The following MSANTD2 variants were observed in gnomAD, a reference collection of about 807,000 sequenced individuals.
The protein encoded by MSANTD2 is myb/SANT-like DNA-binding domain-containing protein 2.
Under a neutral mutation model 52.6 loss-of-function variants are expected in MSANTD2, and 19 were observed. That is an observed-to-expected ratio of 0.36 (90% CI 0.25 to 0.53). The LOEUF (loss-of-function observed/expected upper bound fraction) is 0.53. Ranked by LOEUF, MSANTD2 falls within the 20% of genes least tolerant of loss-of-function variation. The pLI is 0.91. For missense variants in MSANTD2, 558 were observed against 716.3 expected (o/e 0.78, Z 2.52); for synonymous variants, 291 against 289.7 (o/e 1.00, Z -0.04).
Position 124,767,219 on chromosome 11 carries a change from C to A in MSANTD2, c.1637G>T (p.Cys546Phe). 1 of 1,611,532 alleles carries A rather than the reference C, an allele frequency of 6.2e-7. No homozygotes were observed. Among genetic ancestry groups the A allele is most frequent in the Non-Finnish European group, 8.5e-7 (1 of 1,179,356 alleles). Residue 546 changes from cysteine (C) to phenylalanine (F), a missense_variant, in exon 4 of 4, where the codon TGC becomes TTC. Physicochemically the swap from Cys to Phe is radical, Grantham distance 205. Transcript: ENST00000374979. The surrounding 1 kb of genome is among the most constrained non-coding windows in gnomAD (Gnocchi z 6.5). ...GGGGTATCCAATGGCTTTTTCCAGG[C>A]ACTCAACTAAAGAGCCTGCGGAAAG... ...DFLSAGSLVE[C>F]LEKAIGYPLK...
chr11:124,795,594 T>C (rs1945469051), intron 1 of MSANTD2, among the ~76,000 whole-genome samples: 1 of 152,266 alleles, frequency 6.6e-6, no homozygotes, highest in Non-Finnish European at 1.5e-5. Context: ...TTGTGTTGTC[T>C]TGACCAGCTT....
At position 124,774,216 on chromosome 11, in the gene MSANTD2, T is replaced by C. The variant is rs1322976620; in HGVS notation, c.766+503A>G. Among the ~76,000 whole-genome samples the C allele has an allele frequency of 6.6e-6, 1 of 152,226 alleles. No homozygotes were observed. Among genetic ancestry groups the C allele is most frequent in the Non-Finnish European group, 1.5e-5 (1 of 68,038 alleles). On this transcript the variant is annotated intron_variant, in intron 2 of 3. Transcript: ENST00000374979. The surrounding 1 kb of genome is among the most constrained non-coding windows in gnomAD (Gnocchi z 5.1). ...TAAATGGAGGCTTCCCCTCATTTTG[T>C]GTTCAGGCTCAAGTCTGAGAGAAGA...
At chr11:124,769,626 T>C (rs1944426751) in intron 3 of MSANTD2, among the ~76,000 whole-genome samples, 2 of 152,214 alleles carry the variant, frequency 1.3e-5, no homozygotes, top group South Asian at 2.1e-4. Flanking sequence ...TCTATTATGC[T>C]CAATGAAGTA....
rs1944325237 is a variant in MSANTD2, at chr11:124,767,030, A to AAAG, written c.*145_*146insCTT. The AAAG allele has an allele frequency of 6.3e-6, 5 of 798,982 alleles. No individual in the cohort carries two copies. The East Asian group carries it at 1.3e-4, about 20-fold the overall frequency. 49.5% of individuals were successfully genotyped at this position (798,982 alleles called of 1,614,324 possible). On this transcript the variant is annotated 3_prime_UTR_variant, in exon 4 of 4. Transcript: ENST00000374979. This position sits in a 1 kb window ranked among gnomAD's most constrained non-coding sequence, Gnocchi z 6.5. The stretch of plus-strand genomic sequence containing the variant: ...TTTTTTCTGGCCCAAGTCTACTATG[A>AAAG]TTCCTTAGAAGTCGTACTGGCCCAA...
At position 124,800,012 on chromosome 11, in the gene MSANTD2, C is replaced by G; in HGVS notation, c.369G>C (p.Glu123Asp). ...CTCCCTCCAGCTGCTGGTACCGCGC[C>G]TCCACCAGCCGCTCGTTGCCCCACA... ...IAVWGNERLVEARYQQLEGAG... is the reference protein window; with the variant it reads ...IAVWGNERLVDARYQQLEGAG... Residue 123 changes from glutamate (E) to aspartate (D), a missense_variant, in exon 1 of 4, where the codon GAG (glutamate) becomes GAC (aspartate). By Grantham distance (45) the Glu-to-Asp change is conservative (BLOSUM62 2). Coordinates refer to ENST00000374979, the MANE Select transcript of MSANTD2 (RefSeq NM_001308027.2). This position sits in a 1 kb window ranked among gnomAD's most constrained non-coding sequence, Gnocchi z 4.3. The G allele has an allele frequency of 6.3e-7, 1 of 1,582,662 alleles. No individual in the cohort carries two copies. Among genetic ancestry groups the G allele is most frequent in the Non-Finnish European group, 8.5e-7 (1 of 1,174,020 alleles).
chr11:124,791,168 C>A (rs201408974), intron 1 of MSANTD2: 2 of 934,690 alleles, frequency 2.1e-6, no homozygotes, highest in Middle Eastern at 3.0e-4. Flanking sequence ...TGAATGGGAG[C>A]TGGTTTCAGG....
intron 1 of MSANTD2, among the ~76,000 whole-genome samples, chr11:124,797,420 C>T (rs1945528910): frequency 6.6e-6 from 1 of 152,136 alleles, no homozygotes; most frequent in Non-Finnish European, 1.5e-5. Context: ...TCACTTAGGT[C>T]CAGGAGTTCA....
At chr11:124,781,692 G>A (rs1363629800) in intron 1 of MSANTD2, among the ~76,000 whole-genome samples, 4 of 142,594 alleles carry the variant, frequency 2.8e-5, no homozygotes, top group African/African-American at 8.0e-5. Context: ...TCGCTCTGTC[G>A]CCTAGGCTGG....
At chr11:124,769,042 C>T (rs926085648) in intron 3 of MSANTD2, among the ~76,000 whole-genome samples, 1 of 152,196 alleles carries the variant, frequency 6.6e-6, no homozygotes, top group African/African-American at 2.4e-5. Context: ...CACTCAACTA[C>T]CACACTTACA....
Position 124,799,994 on chromosome 11 carries a change from C to T in MSANTD2, c.387G>A (p.Leu129=). The change falls in exon 1 of 4, where the codon CTG becomes CTA. Residue 129 remains leucine, a synonymous_variant. Transcript: ENST00000374979. ...ERLVEARYQQ[L]EGAGTVFGSK... ...TGCCGAACACCGTGCCGGCTCCCTC[C>T]AGCTGCTGGTACCGCGCCTCCACCA... is the stretch of plus-strand genomic sequence containing the variant. 1 of 1,584,544 alleles carries T rather than the reference C, an allele frequency of 6.3e-7. No homozygotes were observed. Among genetic ancestry groups the T allele is most frequent in the Non-Finnish European group, 8.5e-7 (1 of 1,174,802 alleles).
intron 1 of MSANTD2, chr11:124,791,642 T>C: frequency 6.8e-7 from 1 of 1,476,838 alleles, no homozygotes; most frequent in Non-Finnish European, 9.4e-7. Context: ...CTTCCAGACT[T>C]TCTTTGCACC....
rs565051285 is a variant in MSANTD2, at chr11:124,799,456, C to G, written c.510+415G>C. ...CTAAACTAGGGGCTCAATGCCCCCC[C>G]CTTCTGCCCTTCCTCAATCCTGCCC... On this transcript the variant is annotated intron_variant, in intron 1 of 3. Coordinates refer to ENST00000374979, the MANE Select transcript of MSANTD2 (RefSeq NM_001308027.2). 1.8e-4 allele frequency among the ~76,000 whole-genome samples: 28 copies of G among 152,350 alleles called. 1 individual carries two copies. Among genetic ancestry groups the G allele is most frequent in the South Asian group, 1.2e-3 (6 of 4,830 alleles).
chr11:124,774,841 A>G lies in MSANTD2; in HGVS notation c.644T>C (p.Ile215Thr). Residue 215 changes from isoleucine (I) to threonine (T), a missense_variant, in exon 2 of 4, where the codon ATT (isoleucine) becomes ACT (threonine). Ile to Thr is a moderately conservative substitution (Grantham distance 89). Around this residue, in one of 2 missense-constraint regions of MSANTD2, gnomAD observed 408 missense variants for 573.6 expected, o/e 0.71. Coordinates refer to ENST00000374979, the MANE Select transcript of MSANTD2 (RefSeq NM_001308027.2). This position sits in a 1 kb window ranked among gnomAD's most constrained non-coding sequence, Gnocchi z 5.1. ...WDAQPCQPVL[I>T]NSSGLYQELE... ...CTCCTGGTACAAGCCACTACTGTTA[A>G]TAAGTACAGGCTGGCAGGGCTGAGC... 1.2e-6 allele frequency: 2 copies of G among 1,614,150 alleles called. No individual in the cohort carries two copies. The highest frequency in any genetic ancestry group is 1.7e-6 in the Non-Finnish European group (2 of 1,180,040).
At chr11:124,782,693 T>C (rs1227514442) in intron 1 of MSANTD2, among the ~76,000 whole-genome samples, 2 of 152,202 alleles carry the variant, frequency 1.3e-5, no homozygotes, top group African/African-American at 4.8e-5. Context: ...TCTATCTTGG[T>C]TGTCTCTATT....
intron 1 of MSANTD2, among the ~76,000 whole-genome samples, chr11:124,785,696 G>C (rs775527954): frequency 7.9e-5 from 12 of 152,146 alleles, no homozygotes; most frequent in African/African-American, 1.9e-4. Flanking sequence ...AGACAGCTGG[G>C]GGGGGACTAG....
intron 1 of MSANTD2, among the ~76,000 whole-genome samples, chr11:124,780,958 G>A (rs1340868941): frequency 2.0e-5 from 3 of 152,108 alleles, no homozygotes; most frequent in Non-Finnish European, 2.9e-5. Context: ...CAAGGTGGGC[G>A]GATCACCTGA....
chr11:124,788,746 G>C (rs985346202), intron 1 of MSANTD2, among the ~76,000 whole-genome samples: 19 of 152,034 alleles, frequency 1.2e-4, no homozygotes, highest in African/African-American at 4.6e-4. Context: ...TTTGCTGCTT[G>C]GTAGTACAAA....
rs1211099053 is a variant in MSANTD2, at chr11:124,774,794, T to C, written c.691A>G (p.Met231Val). 1.2e-6 allele frequency: 2 copies of C among 1,614,210 alleles called. No homozygotes were observed. The highest frequency in any genetic ancestry group is 1.7e-6 in the Non-Finnish European group (2 of 1,180,028). ...CAGTCCTCCTGTGAATAGTCCTCCA[T>C]AGTGCTGCCATCTGACTCCAGCTCC... ...YQELESDGST[M>V]EDYSQEDWGN... The change falls in exon 2 of 4, where the codon ATG (methionine) becomes GTG (valine). Residue 231 changes from methionine to valine, a missense_variant. Around this residue, in one of 2 missense-constraint regions of MSANTD2, gnomAD observed 408 missense variants for 573.6 expected, o/e 0.71. Coordinates refer to ENST00000374979, the MANE Select transcript of MSANTD2 (RefSeq NM_001308027.2). This position sits in a 1 kb window ranked among gnomAD's most constrained non-coding sequence, Gnocchi z 5.1.
At chr11:124,785,303 A>G (rs928346192) in intron 1 of MSANTD2, among the ~76,000 whole-genome samples, 2 of 152,238 alleles carry the variant, frequency 1.3e-5, no homozygotes, top group Admixed American at 6.5e-5. Flanking sequence ...AGCAATTTAC[A>G]TGATCATTCC....
Sources: allele counts gnomAD v4.1 joint callset (sites outside exome capture counted in the v4.1 genomes callset), GRCh38; gene constraint gnomAD v4.1.1; regional missense constraint gnomAD v4.1.1; non-coding constraint Gnocchi (gnomAD v3.1); transcripts MANE v1.5; gene names NCBI Gene and HGNC (gene_info 2026-07-23, HGNC 2026-07-21).